MYO19: variants seen among roughly 807,000 people sequenced by gnomAD.
The protein encoded by MYO19 is myosin XIX, also known as unconventional myosin-XIX.
A neutral mutation model predicts 129.2 loss-of-function variants in MYO19; 132 were observed. That is an observed-to-expected ratio of 1.02 (90% confidence interval 0.89 to 1.18). The LOEUF is 1.18. Among genes scored for constraint, MYO19 ranks in the 50% most tolerant of loss-of-function variants. MYO19 has a pLI of 0.00. For missense variants in MYO19, 1,210 were observed against 1,216.7 expected, an observed-to-expected ratio of 0.99 and a Z score of 0.08; for synonymous variants, 531 against 477.2, an observed-to-expected ratio of 1.11 and a Z score of -1.47.
chr17:36,501,002 T>C, intron 22 of MYO19, 43 bp from the exon 23 acceptor site: 1 of 1,604,358 alleles, frequency 6.2e-7, no homozygotes, highest in Non-Finnish European at 8.5e-7. Context: ...CTTCTCCCCC[T>C]GCCCCCTCCT....
At chr17:36,506,104 G>A (rs1344730377) in intron 18 of MYO19, among the ~76,000 whole-genome samples, 1 of 152,148 alleles carries the variant, frequency 6.6e-6, no homozygotes, top group Non-Finnish European at 1.5e-5. Flanking sequence ...CGATGTGAGA[G>A]AAGTGAGTGA....
In MYO19 at chr17:36,501,158, G is replaced by A. The variant is rs1451294394; in HGVS notation, c.2158C>T (p.Gln720Ter). The change falls in exon 22 of 26, where the codon CAG becomes TAG. Residue 720 changes from glutamine to a stop codon, truncating the protein, a stop_gained. Coordinates refer to ENST00000614623, the MANE Select transcript of MYO19 (RefSeq NM_001163735.2). LOFTEE classifies it high-confidence loss of function. Reference sequence around the variant, plus strand: ...GAGTCACCAGTTATGGCTGCTGCCTGAGTTAGGACCGGCAGAGTGTGGAGA... The same window carrying A: ...GAGTCACCAGTTATGGCTGCTGCCTAAGTTAGGACCGGCAGAGTGTGGAGA... ...DILHTLPVLT[Q>*]AAAITGDSAE... The A allele has an allele frequency of 3.7e-6, 6 of 1,614,082 alleles. No homozygotes were observed. Among genetic ancestry groups the A allele is most frequent in the Non-Finnish European group, 5.1e-6 (6 of 1,179,904 alleles).
intron 6 of MYO19, among the ~76,000 whole-genome samples, chr17:36,520,640 GAAGAT>G (rs946540766): frequency 5.9e-5 from 9 of 152,232 alleles, no homozygotes; most frequent in African/African-American, 2.2e-4. Flanking sequence ...TACTCAAAGT[GAAGAT>G]GACAGTGATG....
rs1046265660 is a variant in MYO19 at position 36,527,423 on chromosome 17, C to T, written c.300+128G>A. 3 of 1,055,526 alleles carry T rather than the reference C, an allele frequency of 2.8e-6. No homozygotes were observed. The African/African-American group carries it at 4.8e-5, about 17-fold the overall frequency. The allele number at this position is 1,055,526 out of a possible 1,614,324, so 65.4% of individuals were successfully genotyped here. ...ATTCTGCCAGCTCCTATTGGGCAGG[C>T]CGTGGCACTAGCAGACTCTGAATGA... On this transcript the variant is annotated intron_variant, in intron 5 of 25. Coordinates refer to ENST00000614623, the MANE Select transcript of MYO19 (RefSeq NM_001163735.2).
intron 11 of MYO19, among the ~76,000 whole-genome samples, chr17:36,511,716 A>G (rs1205881861): frequency 6.6e-6 from 1 of 152,212 alleles, no homozygotes; most frequent in Non-Finnish European, 1.5e-5. Context: ...CTGAGGGGAA[A>G]GGTGGGATGA....
chr17:36,497,484 A>C, intron 25 of MYO19: 20 of 933,580 alleles, frequency 2.1e-5, no homozygotes, highest in South Asian at 4.9e-5. Flanking sequence ...GTGATGTGGG[A>C]CTAATTAGAT....
chr17:36,538,296 A>G, upstream of MYO19: 2 of 1,613,492 alleles, frequency 1.2e-6, no homozygotes, highest in Non-Finnish European at 1.7e-6. Flanking sequence ...GAGTTTTGCC[A>G]AATTTCTAAT....
intron 3 of MYO19, 45 bp downstream of exon 3, chr17:36,532,482 C>G (rs888037036): frequency 8.4e-6 from 13 of 1,551,980 alleles, no homozygotes; most frequent in African/African-American, 1.4e-5. Flanking sequence ...GCAACAGATG[C>G]TGCAGGTGCT....
At chr17:36,513,536 T>C in intron 10 of MYO19, 31 bp from the exon 11 acceptor site, 1 of 1,613,552 alleles carries the variant, frequency 6.2e-7, no homozygotes, top group South Asian at 1.1e-5. Context: ...GGGGCAGAGG[T>C]CAGCAGCAGC....
chr17:36,535,216 C>T (rs1327965474), upstream of MYO19: 2 of 152,032 alleles, frequency 1.3e-5, no homozygotes, highest in South Asian at 2.1e-4. Flanking sequence ...GCGAGTGCGG[C>T]GGAGTGTTGT....
chr17:36,529,656 C>A (rs149518311), intron 3 of MYO19, among the ~76,000 whole-genome samples: 1 of 152,136 alleles, frequency 6.6e-6, no homozygotes, highest in Non-Finnish European at 1.5e-5. Context: ...AGAGTAACTG[C>A]GGAGGTCAGA....
chr17:36,514,485 G>C lies in MYO19; in HGVS notation c.681C>G (p.Cys227Trp). ...GGAAGTTCCTCTCACTGGAAGCCTG[G>C]CAGGCCACTCGAGTTTTCTCTAGGA... ...TYLLEKTRVA[C>W]QASSERNFHI... The change falls in exon 9 of 26, where the codon TGC becomes TGG. Residue 227 changes from cysteine to tryptophan, a missense_variant. Coordinates refer to ENST00000614623, the MANE Select transcript of MYO19 (RefSeq NM_001163735.2). 6.2e-7 allele frequency: 1 copy of C among 1,613,670 alleles called. No individual in the cohort carries two copies. The highest frequency in any genetic ancestry group is 2.2e-5 in the East Asian group (1 of 44,882).
intron 6 of MYO19, 92 bp downstream of exon 6, chr17:36,525,136 A>C (rs2073382854): frequency 2.2e-6 from 2 of 929,778 alleles, no homozygotes; most frequent in African/African-American, 3.2e-5. Context: ...TAGGAAGCAA[A>C]CAACTCCACA....
intron 9 of MYO19, 68 bp downstream of exon 9, chr17:36,514,378 G>A: frequency 2.0e-6 from 2 of 1,005,718 alleles, no homozygotes; most frequent in South Asian, 1.3e-5. Context: ...CTGGGGAGTG[G>A]GGGGTTGAAA....
At chr17:36,497,756 TG>T (rs1221837503) in intron 25 of MYO19, 3 of 160,150 alleles carry the variant, frequency 1.9e-5, no homozygotes, top group African/African-American at 7.2e-5. Flanking sequence ...AACCAATTTT[TG>T]TATTTTTAGT....
At chr17:36,522,031 A>C (rs2073165513) in intron 6 of MYO19, among the ~76,000 whole-genome samples, 1 of 149,268 alleles carries the variant, frequency 6.7e-6, no homozygotes. Context: ...CTGTCTTTAA[A>C]AAAAAAAAAA....
At chr17:36,539,072 T>C (rs2074180728), upstream of MYO19, 1 of 167,958 alleles carries the variant, frequency 6.0e-6, no homozygotes, top group Non-Finnish European at 1.5e-5. Flanking sequence ...AATATTTTAA[T>C]GTATCTCAAC....
chr17:36,495,852 C>T lies in MYO19; in HGVS notation c.*399G>A, dbSNP rs1301720175. ...TGTTCCTTTTTAAAGGAAATAACCA[C>T]AAGATTTTTCCCAGCCCAAATTCCA... On this transcript the variant is annotated 3_prime_UTR_variant, in exon 26 of 26. Coordinates refer to ENST00000614623, the MANE Select transcript of MYO19 (RefSeq NM_001163735.2). The T allele has an allele frequency of 1.6e-6, 2 of 1,240,512 alleles. No homozygotes were observed. Among genetic ancestry groups the T allele is most frequent in the East Asian group, 3.1e-5 (1 of 32,214 alleles). The allele number at this position is 1,240,512 out of a possible 1,614,324, so 76.8% of individuals were successfully genotyped here.
intron 18 of MYO19, 42 bp from the exon 19 acceptor site, chr17:36,505,446 GC>G: frequency 6.7e-7 from 1 of 1,503,592 alleles, no homozygotes; most frequent in Non-Finnish European, 9.2e-7. Context: ...GAGAGGGGCT[GC>G]CCAGGGCCAT....
Sources: gnomAD v4.1 joint callset for allele counts (sites outside exome capture counted in the v4.1 genomes callset) on GRCh38, gnomAD v4.1.1 for gene constraint, MANE v1.5 for transcripts, NCBI Gene and HGNC (gene_info 2026-07-23, HGNC 2026-07-21) for gene names.